Variants in PIGN observed in about 807,000 individuals in gnomAD.
PIGN encodes GPI ethanolamine phosphate transferase 1.
PIGN carries 117 observed loss-of-function variants against 125.4 expected under a neutral mutation model. The observed-to-expected ratio is 0.93, with a 90% CI of 0.80 to 1.09. The LOEUF (loss-of-function observed/expected upper bound fraction) is 1.09. Ranked by LOEUF, PIGN falls within the 50% of genes least tolerant of loss-of-function variation. The pLI, the probability that PIGN is intolerant of heterozygous loss-of-function variation, is 0.00. For synonymous variants in PIGN, 392 were observed against 377.8 expected (o/e 1.04, Z -0.44); for missense variants, 1,075 against 1,094.9 (o/e 0.98, Z 0.26).
chr18:62,104,410 T>C (rs2034560879), intron 20 of PIGN, among the ~76,000 whole-genome samples: 2 of 152,080 alleles, frequency 1.3e-5, no homozygotes, highest in African/African-American at 4.8e-5. Flanking sequence ...ATAGAAACAA[T>C]ACAAGAGCTT....
intron 30 of PIGN, chr18:62,052,516 G>A (rs1397812203): frequency 2.8e-5 from 4 of 141,326 alleles, no homozygotes; most frequent in African/African-American, 8.0e-5. Flanking sequence ...CAGAGACTAG[G>A]ATTGCAACCC....
rs1002937610 is a variant in PIGN, at chr18:62,106,857, T to C, written c.1699A>G (p.Met567Val). 2.5e-6 allele frequency: 4 copies of C among 1,608,980 alleles called. No individual in the cohort carries two copies. Among genetic ancestry groups the C allele is most frequent in the African/African-American group, 1.3e-5 (1 of 74,818 alleles). ...VLVLSFFYRYMLTAGLTAFAA... is the reference protein window; with the variant it reads ...VLVLSFFYRYVLTAGLTAFAA... Reference sequence around the variant, plus strand: ...AAGGCAGTAAGTCCAGCGGTAAGCATATAGCGGTAGAAAAAACTGAGAACC... The same window carrying C: ...AAGGCAGTAAGTCCAGCGGTAAGCACATAGCGGTAGAAAAAACTGAGAACC... Residue 567 changes from methionine to valine, a missense_variant, in exon 19 of 31, where the codon ATG (methionine) becomes GTG (valine). By Grantham distance (21) the Met-to-Val change is conservative. Coordinates refer to ENST00000640252, the MANE Select transcript of PIGN (RefSeq NM_176787.5).
intron 1 of PIGN, among the ~76,000 whole-genome samples, chr18:62,166,484 G>C (rs918551528): frequency 6.6e-6 from 1 of 152,168 alleles, no homozygotes. Context: ...AACTATTGTG[G>C]AAGACAGTGT....
intron 6 of PIGN, 51 bp downstream of exon 6, chr18:62,157,078 T>G (rs1056918243): frequency 2.6e-5 from 21 of 796,868 alleles, no homozygotes; most frequent in Non-Finnish European, 2.2e-5. Context: ...AACTACCATA[T>G]TGACTTACTC....
chr18:62,185,582 T>A (rs1478187729), intron 1 of PIGN, among the ~76,000 whole-genome samples: 1 of 152,254 alleles, frequency 6.6e-6, no homozygotes, highest in Non-Finnish European at 1.5e-5. Flanking sequence ...GTAAGAATCG[T>A]CTATTTTAAT....
intron 20 of PIGN, among the ~76,000 whole-genome samples, chr18:62,103,232 T>G (rs542416618): frequency 6.6e-6 from 1 of 152,184 alleles, no homozygotes; most frequent in Non-Finnish European, 1.5e-5. Context: ...TTAGCCTGAA[T>G]TGGGCAAATT....
intron 25 of PIGN, among the ~76,000 whole-genome samples, chr18:62,087,107 G>A (rs1054227697): frequency 3.9e-5 from 6 of 152,140 alleles, no homozygotes; most frequent in African/African-American, 1.4e-4. Context: ...TTGCATAGAA[G>A]TGTCTACCAA....
At chr18:62,027,384 G>A (rs1253945750) in intron 23 of PIGN, among the ~76,000 whole-genome samples, 6 of 152,140 alleles carry the variant, frequency 3.9e-5, no homozygotes, top group Non-Finnish European at 5.9e-5. Flanking sequence ...AGGTCCTGAC[G>A]ACATGTGCCC....
chr18:62,082,586 T>C (rs2033498848), intron 28 of PIGN, 87 bp downstream of exon 28: 1 of 714,998 alleles, frequency 1.4e-6, no homozygotes, highest in Non-Finnish European at 2.5e-6. Context: ...AGTGTCTTAA[T>C]AGCAATCATA....
intron 30 of PIGN, among the ~76,000 whole-genome samples, chr18:62,067,227 A>G (rs2032574392): frequency 6.6e-6 from 1 of 152,164 alleles, no homozygotes; most frequent in African/African-American, 2.4e-5. Context: ...GCATGCACCC[A>G]TTTGAAACAA....
At chr18:62,129,241 G>A (rs2035644545) in intron 14 of PIGN, among the ~76,000 whole-genome samples, 1 of 152,136 alleles carries the variant, frequency 6.6e-6, no homozygotes, top group Non-Finnish European at 1.5e-5. Flanking sequence ...GGCTATTAAT[G>A]GGAGTCTTTC....
intron 28 of PIGN, among the ~76,000 whole-genome samples, chr18:62,078,201 C>G (rs1179008627): frequency 3.3e-5 from 5 of 152,158 alleles, no homozygotes; most frequent in Admixed American, 6.5e-5. Context: ...TCTGAGTTAC[C>G]TAACTTAGCC....
At chr18:62,125,090 ATGTATATATACACGTTTGTACATATG>A (rs554210038) in intron 14 of PIGN, among the ~76,000 whole-genome samples, 1 of 148,640 alleles carries the variant, frequency 6.7e-6, no homozygotes, top group African/African-American at 2.5e-5. Flanking sequence ...TTGTACATAC[ATGTATATATACACGTTTGTACATATG>A]TGTATATAAA....
chr18:62,177,528 G>A (rs2037568360), intron 1 of PIGN, among the ~76,000 whole-genome samples: 1 of 152,042 alleles, frequency 6.6e-6, no homozygotes. Flanking sequence ...CTCAAGGGTG[G>A]CTTCCACCAA....
At chr18:62,146,870 T>A in intron 9 of PIGN, 101 bp downstream of exon 9, 1 of 1,175,048 alleles carries the variant, frequency 8.5e-7, no homozygotes, top group Non-Finnish European at 1.2e-6. Context: ...ACATTTTGTA[T>A]ACAGCAAGAC....
At chr18:62,088,564 T>A (rs1568161556) in intron 25 of PIGN, 192 bp downstream of exon 25, 1 of 406,686 alleles carries the variant, frequency 2.5e-6, no homozygotes, top group Non-Finnish European at 4.3e-6. Context: ...TATATATACA[T>A]ACATAAAATT....
rs570848508 is a variant in PIGN at position 62,025,407 on chromosome 18, A to C, written c.2143-7666T>G. ...CTTAGAGATAATAGGTGTTTCAGGCACAATTAAGGGTATATGTAAAGACCA... is the reference window on the plus strand; with the variant it reads ...CTTAGAGATAATAGGTGTTTCAGGCCCAATTAAGGGTATATGTAAAGACCA... On this transcript the variant is annotated intron_variant, in intron 23 of 24. Coordinates refer to the PIGN transcript ENST00000639600. Among the ~76,000 whole-genome samples, 4 of 152,266 alleles carry C rather than the reference A, an allele frequency of 2.6e-5. No individual in the cohort carries two copies. In the South Asian group the frequency reaches 8.3e-4, roughly 32 times the overall value.
At chr18:62,151,114 A>G (rs186210043) in intron 7 of PIGN, among the ~76,000 whole-genome samples, 40 of 152,284 alleles carry the variant, frequency 2.6e-4, no homozygotes, top group African/African-American at 8.2e-4. Context: ...GATGCTCCTC[A>G]CTTGCAATGG....
At chr18:62,169,735 C>T (rs975366364) in intron 1 of PIGN, among the ~76,000 whole-genome samples, 3 of 152,164 alleles carry the variant, frequency 2.0e-5, no homozygotes, top group African/African-American at 7.2e-5. Context: ...ATCCTCCCAC[C>T]TCAGCCTCCT....
Sources: gnomAD v4.1 joint callset for allele counts (sites outside exome capture counted in the v4.1 genomes callset) on GRCh38, gnomAD v4.1.1 for gene constraint, MANE v1.5 for transcripts, NCBI Gene and HGNC (gene_info 2026-07-23, HGNC 2026-07-21) for gene names.